Variants in COL1A2 observed in about 807,000 individuals in gnomAD.
COL1A2 encodes the protein collagen alpha-2(I) chain.
Under a neutral mutation model 174.3 loss-of-function variants are expected in COL1A2, and 49 were observed. That is an observed-to-expected ratio of 0.28 (90% CI 0.22 to 0.36). The LOEUF (loss-of-function observed/expected upper bound fraction) is 0.36, where lower values mean the gene tolerates loss of function less well. Among genes scored for constraint, COL1A2 ranks in the 10% least tolerant of loss-of-function variants. The pLI is 1.00. For synonymous variants in COL1A2, 655 were observed against 606.6 expected (o/e 1.08, Z -1.17); for missense variants, 1,438 against 1,822.7 (o/e 0.79, Z 3.84).
chr7:94,410,509 A>G lies in COL1A2; in HGVS notation c.1179A>G (p.Pro393=), dbSNP rs1359651555. 1 of 1,549,776 alleles carries G rather than the reference A, an allele frequency of 6.5e-7. No homozygotes were observed. The highest frequency in any genetic ancestry group is 2.0e-5 in the Admixed American group (1 of 51,010). ...GGGAAGCTGGATCTGCCGGCCCTCC[A>G]GGACCTCCTGGGCTGAGAGTAGGTT... ...PNGEAGSAGP[P]GPPGLRGSPG... The change falls in exon 21 of 52, where the codon CCA becomes CCG. Residue 393 remains proline, a synonymous_variant. Transcript: ENST00000297268.
rs372535479 is a variant in COL1A2, at chr7:94,430,344, G to A, written c.4052G>A (p.Gly1351Asp). The change falls in exon 52 of 52, where the codon GGT becomes GAT. Residue 1351 changes from glycine (G) to aspartate (D), a missense_variant. By Grantham distance (94) the Gly-to-Asp change is moderately conservative (BLOSUM62 -1). This residue lies in a region of COL1A2 where 290 missense variants were observed against 298.1 expected (regional missense o/e 0.97). Coordinates refer to ENST00000297268, the MANE Select transcript of COL1A2 (RefSeq NM_000089.4). Reference sequence around the variant, plus strand: ...GATATTGCACCTTTGGACATCGGTGGTGCTGACCAGGAATTCTTTGTGGAC... The same window carrying A: ...GATATTGCACCTTTGGACATCGGTGATGCTGACCAGGAATTCTTTGTGGAC... ...FLDIAPLDIG[G>D]ADQEFFVDIG... is the part of the protein sequence containing the mutation. 49 of 1,613,908 alleles carry A rather than the reference G, an allele frequency of 3.0e-5. No individual in the cohort carries two copies. Among genetic ancestry groups the A allele is most frequent in the Non-Finnish European group, 3.9e-5 (46 of 1,179,958 alleles).
chr7:94,397,217 C>G (rs888965119), intron 1 of COL1A2, among the ~76,000 whole-genome samples: 15 of 152,034 alleles, frequency 9.9e-5, no homozygotes, highest in African/African-American at 3.6e-4. Context: ...GGTACAAACT[C>G]AATGAAGTAC....
intron 33 of COL1A2, 111 bp downstream of exon 33, chr7:94,418,663 A>G: frequency 1.2e-6 from 1 of 851,752 alleles, no homozygotes. Context: ...CAAGTTTAAT[A>G]AAATAATATT....
intron 12 of COL1A2, among the ~76,000 whole-genome samples, chr7:94,406,948 A>C (rs1209710909): frequency 6.6e-6 from 1 of 152,212 alleles, no homozygotes; most frequent in Admixed American, 6.5e-5. Context: ...ATGAATATGG[A>C]GAATCTATTC....
chr7:94,413,253 G>A, intron 26 of COL1A2, 117 bp downstream of exon 26: 1 of 1,071,588 alleles, frequency 9.3e-7, no homozygotes, highest in Non-Finnish European at 1.4e-6. Flanking sequence ...GCATCCCCAG[G>A]GGTCCTTTTA....
intron 16 of COL1A2, 48 bp downstream of exon 16, chr7:94,408,871 G>A (rs1562900598): frequency 5.9e-6 from 9 of 1,527,064 alleles, no homozygotes; most frequent in Non-Finnish European, 6.4e-6. Context: ...ACTTTTTACT[G>A]TGATGTGAAA....
Position 94,427,193 on chromosome 7 carries a change from T to G in COL1A2, c.3165T>G (p.Pro1055=), listed in dbSNP as rs1214578422. The change falls in exon 48 of 52, where the codon CCT becomes CCG. Residue 1055 remains proline (P), a synonymous_variant. Coordinates refer to ENST00000297268, the MANE Select transcript of COL1A2 (RefSeq NM_000089.4). ...GSVGPAGPRG[P]AGPSGPAGKD... ...CTGGTGTCTGTCTTCCTTAGGGCCC[T>G]GCTGGTCCTTCTGGCCCTGCTGGAA... 8 of 1,613,858 alleles carry G rather than the reference T, an allele frequency of 5.0e-6. No homozygotes were observed. In the African/African-American group the frequency reaches 1.1e-4, roughly 22 times the overall value.
intron 37 of COL1A2, 90 bp downstream of exon 37, chr7:94,420,738 G>A (rs1792142682): frequency 8.7e-7 from 1 of 1,153,184 alleles, no homozygotes; most frequent in South Asian, 1.3e-5. Context: ...CTATGCAACA[G>A]GGAATATACC....
intron 9 of COL1A2, 93 bp from the exon 10 acceptor site, chr7:94,405,106 T>C (rs1791768135): frequency 7.6e-7 from 1 of 1,321,898 alleles, no homozygotes; most frequent in African/African-American, 1.4e-5. Context: ...TTTTATGTGA[T>C]AACTTTCTCC....
chr7:94,408,460 A>G, intron 15 of COL1A2, 80 bp downstream of exon 15: 3 of 1,475,178 alleles, frequency 2.0e-6, no homozygotes, highest in Admixed American at 1.7e-5. Context: ...CTCTTACGAA[A>G]TAGCATCATT....
intron 15 of COL1A2, 61 bp downstream of exon 15, chr7:94,408,441 T>C: frequency 6.5e-7 from 1 of 1,538,402 alleles, no homozygotes; most frequent in Non-Finnish European, 9.0e-7. Context: ...TGCTGTCTTC[T>C]TCATTAATCT....
chr7:94,398,898 CTATT>C (rs1791632688), intron 3 of COL1A2, 147 bp from the exon 4 acceptor site: 1 of 737,390 alleles, frequency 1.4e-6, no homozygotes, highest in African/African-American at 1.8e-5. Flanking sequence ...ATACTTTTAT[CTATT>C]GCATTGTGTC....
Position 94,412,062 on chromosome 7 carries a change from T to G in COL1A2, c.1351-6T>G, listed in dbSNP as rs750410541. 1 of 1,610,038 alleles carries G rather than the reference T, an allele frequency of 6.2e-7. No homozygotes were observed. The highest frequency in any genetic ancestry group is 2.2e-5 in the East Asian group (1 of 44,848). Reference sequence around the variant, plus strand: ...CAATATAAAAACATCCTCATTTATTTTATAGGGTCTTCCTGGTTCCCCTGG... The same window carrying G: ...CAATATAAAAACATCCTCATTTATTGTATAGGGTCTTCCTGGTTCCCCTGG... On this transcript the variant is annotated splice_polypyrimidine_tract_variant and splice_region_variant and intron_variant, in intron 23 of 51. Transcript: ENST00000297268.
In COL1A2 at chr7:94,420,374, TC is replaced by T. The variant is rs748199263; in HGVS notation, c.2134-14del. The T allele has an allele frequency of 2.9e-5, 46 of 1,614,024 alleles. No homozygotes were observed. Among genetic ancestry groups the T allele is most frequent in the Admixed American group, 3.3e-5 (2 of 59,982 alleles). On this transcript the variant is annotated splice_polypyrimidine_tract_variant and intron_variant, in intron 35 of 51. Coordinates refer to ENST00000297268, the MANE Select transcript of COL1A2 (RefSeq NM_000089.4). ...CTAGGATTGATAACACATTTTTAAA[TC>T]CCTTCTCCCACCTAGGGTGAACGTG...
intron 4 of COL1A2, among the ~76,000 whole-genome samples, chr7:94,399,759 A>G (rs1023450384): frequency 6.6e-6 from 1 of 152,198 alleles, no homozygotes; most frequent in Non-Finnish European, 1.5e-5. Flanking sequence ...CTCCTATGAT[A>G]AAGTGACCTT....
chr7:94,407,898 A>G lies in COL1A2; in HGVS notation c.639+7A>G, dbSNP rs1791835442. Reference sequence around the variant, plus strand: ...TGGAACTCCAGGTCAAACAGTAAGTATTGACTACTTCATTGTAAATTTAAA... The same window carrying G: ...TGGAACTCCAGGTCAAACAGTAAGTGTTGACTACTTCATTGTAAATTTAAA... On this transcript the variant is annotated splice_region_variant and intron_variant, in intron 13 of 51. Coordinates refer to ENST00000297268, the MANE Select transcript of COL1A2 (RefSeq NM_000089.4). The G allele has an allele frequency of 1.2e-6, 2 of 1,611,298 alleles. No individual in the cohort carries two copies. The highest frequency in any genetic ancestry group is 2.2e-5 in the South Asian group (2 of 90,926).
intron 9 of COL1A2, 32 bp from the exon 10 acceptor site, chr7:94,405,167 A>G (rs1482605185): frequency 1.9e-6 from 3 of 1,612,110 alleles, no homozygotes; most frequent in South Asian, 2.2e-5. Context: ...TTTACCAAGA[A>G]GAAGTTGACT....
intron 51 of COL1A2, 80 bp from the exon 52 acceptor site, chr7:94,430,167 C>A: frequency 7.2e-7 from 1 of 1,391,796 alleles, no homozygotes. Flanking sequence ...AACAGTGGTT[C>A]TTATTAAATC....
chr7:94,429,319 G>C lies in COL1A2; in HGVS notation c.3843G>C (p.Glu1281Asp), dbSNP rs1562908817. The C allele has an allele frequency of 6.2e-7, 1 of 1,614,028 alleles. No homozygotes were observed. Among genetic ancestry groups the C allele is most frequent in the Non-Finnish European group, 8.5e-7 (1 of 1,179,996 alleles). ...HCKNSIAYMD[E>D]ETGNLKKAVI... ...AGAACAGCATTGCATACATGGATGA[G>C]GAGACTGGCAACCTGAAAAAGGCTG... The change falls in exon 51 of 52, where the codon GAG becomes GAC. Residue 1281 changes from glutamate (E) to aspartate (D), a missense_variant. By Grantham distance (45) the Glu-to-Asp change is conservative. Coordinates refer to ENST00000297268, the MANE Select transcript of COL1A2 (RefSeq NM_000089.4).
Sources: allele counts gnomAD v4.1 joint callset (sites outside exome capture counted in the v4.1 genomes callset), GRCh38; gene constraint gnomAD v4.1.1; regional missense constraint gnomAD v4.1.1; transcripts MANE v1.5; gene names NCBI Gene and HGNC (gene_info 2026-07-23, HGNC 2026-07-21).